The following CACNA1D variants were observed in gnomAD, a reference collection of about 807,000 sequenced individuals.
The protein encoded by CACNA1D is calcium voltage-gated channel subunit alpha1 D.
In CACNA1D, 55 loss-of-function variants were observed where a neutral mutation model predicts 257.1. The ratio of observed to expected loss-of-function variants is 0.21; its 90% confidence interval spans 0.17 to 0.27. The LOEUF is 0.27. Among genes scored for constraint, CACNA1D ranks in the 10% least tolerant of loss-of-function variants. The probability of loss-of-function intolerance (pLI) is 1.00; values close to 1 mark genes in which losing one functional copy is unlikely to be tolerated. For missense variants in CACNA1D, 1,876 were observed against 2,784.0 expected (o/e 0.67, Z 7.34); for synonymous variants, 980 against 1,014.9 (o/e 0.97, Z 0.65).
chr3:53,695,138 A>G (rs1228121028), intron 8 of CACNA1D, among the ~76,000 whole-genome samples: 2 of 152,184 alleles, frequency 1.3e-5, no homozygotes, highest in Non-Finnish European at 2.9e-5. Flanking sequence ...AGAAATGGGC[A>G]ACAAAAAATG....
In CACNA1D at chr3:53,494,730, C is replaced by CGGCGGGCACCGGGCACCGCGGCG. The variant is rs2090275776; in HGVS notation, c.-428_-406dup. Reference sequence around the variant, plus strand: ...GAGCCAGCGGCGGCGCGGGCGGCGGCGGCGGGCACCGGGCACCGCGGCGGG... The same window carrying CGGCGGGCACCGGGCACCGCGGCG: ...GAGCCAGCGGCGGCGCGGGCGGCGGCGGCGGGCACCGGGCACCGCGGCGGGCGGGCACCGGGCACCGCGGCGGG... On this transcript the variant is annotated 5_prime_UTR_variant, in exon 1 of 48. Transcript: ENST00000350061. 6.9e-6 allele frequency: 1 copy of CGGCGGGCACCGGGCACCGCGGCG among 145,564 alleles called. No individual in the cohort carries two copies. The highest frequency in any genetic ancestry group is 2.5e-5 in the African/African-American group (1 of 40,382). 9.0% of individuals were successfully genotyped at this position (145,564 alleles called of 1,614,324 possible).
rs538537569 is a variant in CACNA1D, at chr3:53,718,743, T to C, written c.1478+355T>C. 6.4e-7 allele frequency: 1 copy of C among 1,550,454 alleles called. No homozygotes were observed. ...GCCCTCTGGGTGTCGGCGGTGGGGG[T>C]AAAGGCCTGATTCTCCTTCCAGCCT... On this transcript the variant is annotated intron_variant, in intron 10 of 47. Coordinates refer to ENST00000350061, the MANE Select transcript of CACNA1D (RefSeq NM_001128840.3).
intron 45 of CACNA1D, among the ~76,000 whole-genome samples, chr3:53,807,207 G>T (rs530792016): frequency 6.6e-6 from 1 of 152,062 alleles, no homozygotes; most frequent in Non-Finnish European, 1.5e-5. Flanking sequence ...GAGAGGGACC[G>T]CTGCTCTCCT....
intron 9 of CACNA1D, among the ~76,000 whole-genome samples, 181 bp from the exon 10 acceptor site, chr3:53,718,120 G>A (rs1030591538): frequency 7.2e-5 from 11 of 152,150 alleles, no homozygotes; most frequent in African/African-American, 1.7e-4. Context: ...GCAGAGACTC[G>A]CCTGCAGTGG....
In CACNA1D at chr3:53,723,862, C is replaced by T. The variant is rs769986030; in HGVS notation, c.1963C>T (p.Leu655Phe). Residue 655 changes from leucine (L) to phenylalanine (F), a missense_variant, in exon 14 of 48, where the codon CTT becomes TTT. Physicochemically the swap from Leu to Phe is conservative, Grantham distance 22. This residue lies in a region of CACNA1D where 257 missense variants were observed against 399.7 expected (regional missense o/e 0.64). Transcript: ENST00000350061. This position sits in a 1 kb window ranked among gnomAD's most constrained non-coding sequence, Gnocchi z 5.6. Reference protein sequence around the residue: ...NSMKSIASLLLLLFLFIIIFS... With the variant: ...NSMKSIASLLFLLFLFIIIFS... ...CATGAAGTCCATCGCTTCGCTGTTG[C>T]TTCTGCTTTTTCTCTTCATTATCAT... 6.2e-7 allele frequency: 1 copy of T among 1,614,192 alleles called. No individual in the cohort carries two copies. The highest frequency in any genetic ancestry group is 8.5e-7 in the Non-Finnish European group (1 of 1,180,014).
intron 5 of CACNA1D, among the ~76,000 whole-genome samples, chr3:53,660,810 CAG>C (rs989003875): frequency 2.6e-5 from 4 of 152,182 alleles, no homozygotes; most frequent in Non-Finnish European, 4.4e-5. Context: ...TACCTGGTGA[CAG>C]GGCACAGGAG....
intron 3 of CACNA1D, among the ~76,000 whole-genome samples, chr3:53,636,741 C>G (rs1268668417): frequency 2.0e-5 from 3 of 152,164 alleles, no homozygotes; most frequent in Non-Finnish European, 4.4e-5. Context: ...TTAAACAATC[C>G]TCTCTCCTCC....
chr3:53,733,100 C>A, intron 19 of CACNA1D, 138 bp downstream of exon 19: 1 of 758,648 alleles, frequency 1.3e-6, no homozygotes, highest in Non-Finnish European at 2.2e-6. Flanking sequence ...CGCCCTCACC[C>A]AAGTCCCCTC....
intron 6 of CACNA1D, 41 bp from the exon 7 acceptor site, chr3:53,666,298 T>A (rs2094262530): frequency 6.3e-7 from 1 of 1,589,466 alleles, no homozygotes; most frequent in African/African-American, 1.3e-5. Flanking sequence ...TTTCCTGATG[T>A]TTCTGTCCTG....
chr3:53,652,840 T>G (rs896124380), intron 4 of CACNA1D, among the ~76,000 whole-genome samples: 1 of 152,244 alleles, frequency 6.6e-6, no homozygotes, highest in Non-Finnish European at 1.5e-5. Context: ...CTACAAAACC[T>G]AAAATATTTA....
At chr3:53,747,522 A>C (rs2095182064) in intron 26 of CACNA1D, 74 bp downstream of exon 26, 1 of 1,471,560 alleles carries the variant, frequency 6.8e-7, no homozygotes, top group Non-Finnish European at 9.5e-7. Context: ...TCCTGGAGTC[A>C]GTCCCATTTC....
At chr3:53,781,789 A>T (rs546553404) in intron 39 of CACNA1D, 122 bp downstream of exon 39, 2 of 756,198 alleles carry the variant, frequency 2.6e-6, no homozygotes, top group African/African-American at 3.4e-5. Context: ...CATTAAGGCC[A>T]ACTGATAAAG....
chr3:53,714,445 T>C (rs1333644499), intron 9 of CACNA1D, among the ~76,000 whole-genome samples: 5 of 152,246 alleles, frequency 3.3e-5, no homozygotes, highest in Admixed American at 3.3e-4. Context: ...TGAGTTTGTA[T>C]GACTCTTTCT....
At chr3:53,687,427 G>A (rs1373945485) in intron 8 of CACNA1D, among the ~76,000 whole-genome samples, 1 of 151,836 alleles carries the variant, frequency 6.6e-6, no homozygotes, top group East Asian at 1.9e-4. Flanking sequence ...TAACTGAATG[G>A]AATAACAAAT....
chr3:53,723,811 A>G lies in CACNA1D; in HGVS notation c.1912A>G (p.Asn638Asp). ...KVTRHWTSLS[N>D]LVASLLNSMK... Reference sequence around the variant, plus strand: ...TTATAGGCACTGGACTTCCCTGAGCAACTTAGTGGCATCCTTATTAAACTC... The same window carrying G: ...TTATAGGCACTGGACTTCCCTGAGCGACTTAGTGGCATCCTTATTAAACTC... The change falls in exon 14 of 48, where the codon AAC becomes GAC. Residue 638 changes from asparagine to aspartate, a missense_variant. Coordinates refer to ENST00000350061, the MANE Select transcript of CACNA1D (RefSeq NM_001128840.3). The surrounding 1 kb of genome is among the most constrained non-coding windows in gnomAD (Gnocchi z 5.6). The G allele has an allele frequency of 6.2e-7, 1 of 1,614,042 alleles. No individual in the cohort carries two copies. Among genetic ancestry groups the G allele is most frequent in the Non-Finnish European group, 8.5e-7 (1 of 1,179,922 alleles).
At chr3:53,577,986 A>G (rs1205570286) in intron 3 of CACNA1D, among the ~76,000 whole-genome samples, 1 of 152,010 alleles carries the variant, frequency 6.6e-6, no homozygotes, top group African/African-American at 2.4e-5. Flanking sequence ...GGCAGGGGGA[A>G]ATTTCACTTA....
At chr3:53,661,276 C>T (rs929089318) in intron 5 of CACNA1D, among the ~76,000 whole-genome samples, 2 of 152,080 alleles carry the variant, frequency 1.3e-5, no homozygotes, top group African/African-American at 4.8e-5. Flanking sequence ...TCCAGAAGTT[C>T]TTCATGAAAT....
At chr3:53,768,692 T>C (rs905326969) in intron 30 of CACNA1D, among the ~76,000 whole-genome samples, 3 of 152,174 alleles carry the variant, frequency 2.0e-5, no homozygotes, top group African/African-American at 7.2e-5. Flanking sequence ...GGGTTCATTG[T>C]CACATTACTG....
chr3:53,612,439 C>T (rs9311508), intron 3 of CACNA1D, among the ~76,000 whole-genome samples: 4,071 of 152,260 alleles, frequency 0.027, 199 homozygotes, highest in African/African-American at 0.093. Flanking sequence ...AGGGTCTCTG[C>T]CTAAACCCCA....
Sources: allele counts gnomAD v4.1 joint callset (sites outside exome capture counted in the v4.1 genomes callset), GRCh38; gene constraint gnomAD v4.1.1; regional missense constraint gnomAD v4.1.1; non-coding constraint Gnocchi (gnomAD v3.1); transcripts MANE v1.5; gene names NCBI Gene and HGNC (gene_info 2026-07-23, HGNC 2026-07-21).